Variants in MAP3K7CL observed in about 807,000 individuals in gnomAD.
MAP3K7CL encodes the protein MAP3K7 C-terminal-like protein.
MAP3K7CL carries 16 observed loss-of-function variants against 18.6 expected under a neutral mutation model. That is an observed-to-expected ratio of 0.86 (90% CI 0.58 to 1.31). The LOEUF (loss-of-function observed/expected upper bound fraction) is 1.31, where lower values mean the gene tolerates loss of function less well. Among genes scored for constraint, MAP3K7CL ranks in the 50% most tolerant of loss-of-function variants. The pLI, the probability that MAP3K7CL is intolerant of heterozygous loss-of-function variation, is 0.00. For synonymous variants in MAP3K7CL, 65 were observed against 66.8 expected (o/e 0.97, Z 0.13); for missense variants, 163 against 174.4 (o/e 0.93, Z 0.37).
chr21:29,078,314 C>A (rs1157155198), intron 1 of MAP3K7CL, among the ~76,000 whole-genome samples: 2 of 152,080 alleles, frequency 1.3e-5, no homozygotes, highest in African/African-American at 4.8e-5. Context: ...TTGTTAAAAT[C>A]TTTTAATATT....
At chr21:29,109,200 GGGTGGGTAA>G (rs1443678101) in intron 4 of MAP3K7CL, 2 of 1,535,386 alleles carry the variant, frequency 1.3e-6, no homozygotes, top group Non-Finnish European at 1.7e-6. Flanking sequence ...ACATAGGGAA[GGGTGGGTAA>G]GTATTAAGTG....
intron 4 of MAP3K7CL, among the ~76,000 whole-genome samples, chr21:29,107,599 C>G (rs2086346724): frequency 6.6e-6 from 1 of 152,186 alleles, no homozygotes; most frequent in Non-Finnish European, 1.5e-5. Flanking sequence ...TTGCCACCCC[C>G]ACCTGTCTTT....
intron 2 of MAP3K7CL, among the ~76,000 whole-genome samples, chr21:29,135,006 G>A (rs1030019016): frequency 6.6e-5 from 10 of 150,878 alleles, no homozygotes; most frequent in Non-Finnish European, 7.4e-5. Flanking sequence ...AGCCGAGATC[G>A]TGCCACTGCA....
intron 1 of MAP3K7CL, among the ~76,000 whole-genome samples, chr21:29,079,834 C>T (rs2085807275): frequency 6.6e-6 from 1 of 152,156 alleles, no homozygotes; most frequent in Admixed American, 6.5e-5. Context: ...GGCAAAGTCA[C>T]AAGAAATGAA....
At chr21:29,133,755 G>C (rs181382982) in intron 2 of MAP3K7CL, among the ~76,000 whole-genome samples, 1 of 152,210 alleles carries the variant, frequency 6.6e-6, no homozygotes, top group African/African-American at 2.4e-5. Context: ...TTTATTAGGA[G>C]CTGGCAGTTG....
intron 4 of MAP3K7CL, among the ~76,000 whole-genome samples, chr21:29,118,693 G>A (rs1031925757): frequency 2.6e-5 from 4 of 152,210 alleles, no homozygotes; most frequent in African/African-American, 9.7e-5. Flanking sequence ...AGAGAAGTTC[G>A]GTGTGACCCC....
chr21:29,152,417 CG>C (rs2087298213), intron 3 of MAP3K7CL, among the ~76,000 whole-genome samples: 1 of 152,188 alleles, frequency 6.6e-6, no homozygotes, highest in Non-Finnish European at 1.5e-5. Flanking sequence ...TAGTCAGTCT[CG>C]TGTGCTTTCA....
chr21:29,122,076 G>T (rs1408450518), intron 4 of MAP3K7CL: 1 of 152,170 alleles, frequency 6.6e-6, no homozygotes, highest in African/African-American at 2.4e-5. Flanking sequence ...TTTCTGGAAA[G>T]TGCTCCCTCA....
intron 4 of MAP3K7CL, among the ~76,000 whole-genome samples, chr21:29,171,238 A>C (rs1287503278): frequency 6.6e-6 from 1 of 152,154 alleles, no homozygotes; most frequent in Non-Finnish European, 1.5e-5. Context: ...GTAAGTATTT[A>C]TTGTGAGCCT....
chr21:29,111,376 C>T (rs1489880058), intron 4 of MAP3K7CL, among the ~76,000 whole-genome samples: 3 of 152,132 alleles, frequency 2.0e-5, no homozygotes, highest in African/African-American at 4.8e-5. Flanking sequence ...GGCTGGTGTT[C>T]TGGGTGTGTC....
At chr21:29,173,609 G>A (rs900001812) in intron 4 of MAP3K7CL, among the ~76,000 whole-genome samples, 1 of 152,188 alleles carries the variant, frequency 6.6e-6, no homozygotes, top group South Asian at 2.1e-4. Context: ...GTCTAGGTTA[G>A]GATTACCTGA....
At chr21:29,155,683 G>C (rs1793797929) in intron 3 of MAP3K7CL, among the ~76,000 whole-genome samples, 1 of 152,192 alleles carries the variant, frequency 6.6e-6, no homozygotes, top group African/African-American at 2.4e-5. Flanking sequence ...GATAGCAGCA[G>C]CTCCTTCACG....
At chr21:29,164,982 GCTTT>G in intron 4 of MAP3K7CL, among the ~76,000 whole-genome samples, 1 of 152,026 alleles carries the variant, frequency 6.6e-6, no homozygotes, top group Admixed American at 6.6e-5. Flanking sequence ...AACATACCTA[GCTTT>G]TTGTGTATGT....
Position 29,174,918 on chromosome 21 carries a change from C to T in MAP3K7CL, c.*26C>T, listed in dbSNP as rs762307515. On this transcript the variant is annotated 3_prime_UTR_variant, in exon 5 of 5. Coordinates refer to ENST00000399928, the MANE Select transcript of MAP3K7CL (RefSeq NM_001286620.2). ...CTTTAAATTTTTCAGTGTGAGCATA[C>T]GAGGCTGATGACTGCCCTGTGCTGG... 2.8e-5 allele frequency: 45 copies of T among 1,606,742 alleles called. No individual in the cohort carries two copies. The highest frequency in any genetic ancestry group is 1.6e-4 in the Middle Eastern group (1 of 6,068).
At chr21:29,106,158 A>G (rs1329759339) in intron 4 of MAP3K7CL, among the ~76,000 whole-genome samples, 1 of 152,150 alleles carries the variant, frequency 6.6e-6, no homozygotes. Context: ...TGTCAAGGAT[A>G]AGACTCCTTT....
At chr21:29,172,029 A>T (rs1026856806) in intron 4 of MAP3K7CL, among the ~76,000 whole-genome samples, 1 of 151,756 alleles carries the variant, frequency 6.6e-6, no homozygotes, top group African/African-American at 2.4e-5. Flanking sequence ...CATGCTCCAC[A>T]TTGCCCTAAA....
upstream of MAP3K7CL, among the ~76,000 whole-genome samples, chr21:29,126,534 C>T (rs2086684531): frequency 6.6e-6 from 1 of 152,184 alleles, no homozygotes; most frequent in African/African-American, 2.4e-5. Flanking sequence ...TCTTGGCTCA[C>T]TGCAACCTTC....
chr21:29,175,089 A>C lies in MAP3K7CL; in HGVS notation c.*197A>C. 1 of 468,350 alleles carries C rather than the reference A, an allele frequency of 2.1e-6. No homozygotes were observed. Among genetic ancestry groups the C allele is most frequent in the Non-Finnish European group, 3.7e-6 (1 of 268,952 alleles). The allele number at this position is 468,350 out of a possible 1,614,324, so 29.0% of individuals were successfully genotyped here. A position where few individuals can be genotyped will look rare whatever the true frequency, so the allele number is the denominator to read the frequency against. Reference sequence around the variant, plus strand: ...ATTTTAAATGAGATCATTAACGTGAAACTATTACTAGTATATGTTTTTGGA... The same window carrying C: ...ATTTTAAATGAGATCATTAACGTGACACTATTACTAGTATATGTTTTTGGA... On this transcript the variant is annotated 3_prime_UTR_variant, in exon 5 of 5. Coordinates refer to ENST00000399928, the MANE Select transcript of MAP3K7CL (RefSeq NM_001286620.2).
chr21:29,164,098 T>TAA (rs1193043438), intron 4 of MAP3K7CL, among the ~76,000 whole-genome samples: 1 of 139,528 alleles, frequency 7.2e-6, no homozygotes, highest in East Asian at 2.3e-4. Context: ...AGACTCCATT[T>TAA]AAAAAAAAAA....
Sources: allele counts gnomAD v4.1 joint callset (sites outside exome capture counted in the v4.1 genomes callset), GRCh38; gene constraint gnomAD v4.1.1; transcripts MANE v1.5; gene names NCBI Gene and HGNC (gene_info 2026-07-23, HGNC 2026-07-21).